Variants in PEPD observed in about 807,000 individuals in gnomAD.
PEPD encodes the protein peptidase D, also known as xaa-Pro dipeptidase.
In PEPD, 53 loss-of-function variants were observed where a neutral mutation model predicts 60.7. The observed-to-expected ratio is 0.87, with a 90% CI of 0.70 to 1.10. The LOEUF (loss-of-function observed/expected upper bound fraction) is 1.10, where lower values mean the gene tolerates loss of function less well. PEPD is among the 50% of genes least tolerant of loss of function. The pLI is 0.00. For synonymous variants in PEPD, 267 were observed against 284.1 expected (o/e 0.94, Z 0.60); for missense variants, 711 against 711.9 (o/e 1.00, Z 0.01).
At chr19:33,414,740 G>T (rs1275562041) in intron 9 of PEPD, among the ~76,000 whole-genome samples, 1 of 152,244 alleles carries the variant, frequency 6.6e-6, no homozygotes, top group Admixed American at 6.5e-5. Context: ...ATGTATAATT[G>T]TCATGATTGG....
intron 9 of PEPD, among the ~76,000 whole-genome samples, chr19:33,433,028 T>C (rs1221806242): frequency 1.3e-5 from 2 of 152,232 alleles, no homozygotes; most frequent in Non-Finnish European, 2.9e-5. Flanking sequence ...GTGAAAACAC[T>C]TTAAGGGAAT....
chr19:33,515,354 C>T (rs140951401), intron 1 of PEPD, among the ~76,000 whole-genome samples: 97 of 152,258 alleles, frequency 6.4e-4, no homozygotes, highest in Middle Eastern at 3.4e-3. Flanking sequence ...CCTACCCTCC[C>T]AGGAGGGTGA....
intron 6 of PEPD, among the ~76,000 whole-genome samples, chr19:33,488,936 T>C (rs1188975033): frequency 6.6e-6 from 1 of 152,128 alleles, no homozygotes; most frequent in African/African-American, 2.4e-5. Flanking sequence ...GGCTGGGAGC[T>C]GCCCACTGTC....
intron 11 of PEPD, among the ~76,000 whole-genome samples, chr19:33,404,502 G>A (rs1021595642): frequency 1.3e-5 from 2 of 152,098 alleles, no homozygotes; most frequent in African/African-American, 2.4e-5. Context: ...AGAATACCCC[G>A]AACAATGAAA....
At chr19:33,416,978 C>A (rs570353834) in intron 9 of PEPD, among the ~76,000 whole-genome samples, 72 of 152,330 alleles carry the variant, frequency 4.7e-4, no homozygotes, top group Non-Finnish European at 6.6e-4. Flanking sequence ...CGTCGCTGGG[C>A]CTCCCACTGG....
intron 7 of PEPD, among the ~76,000 whole-genome samples, chr19:33,467,348 CTTTT>C (rs148366991): frequency 1.4e-5 from 2 of 147,912 alleles, no homozygotes; most frequent in Admixed American, 6.7e-5. Context: ...AGTTTTATGG[CTTTT>C]TTTTTTAACC....
chr19:33,493,153 G>A, intron 5 of PEPD, 137 bp downstream of exon 5: 1 of 708,752 alleles, frequency 1.4e-6, no homozygotes, highest in Admixed American at 2.2e-5. Context: ...TTGGATAACA[G>A]GCGTGAGCCC....
chr19:33,490,393 A>G (rs187944054), intron 5 of PEPD, among the ~76,000 whole-genome samples: 1 of 152,320 alleles, frequency 6.6e-6, no homozygotes, highest in Admixed American at 6.5e-5. Context: ...CACTCCCAAT[A>G]TAAATCTGCT....
intron 9 of PEPD, among the ~76,000 whole-genome samples, chr19:33,454,404 C>A (rs1476429963): frequency 6.6e-6 from 1 of 152,094 alleles, no homozygotes. Flanking sequence ...GAGTTTGAGA[C>A]CAGCCTGGCC....
intron 4 of PEPD, among the ~76,000 whole-genome samples, chr19:33,496,699 A>G (rs945425728): frequency 6.6e-6 from 1 of 152,078 alleles, no homozygotes; most frequent in African/African-American, 2.4e-5. Context: ...CTGTTAAATG[A>G]CCCTGCCTTG....
intron 6 of PEPD, among the ~76,000 whole-genome samples, chr19:33,489,599 A>G (rs1229707186): frequency 6.6e-6 from 1 of 151,800 alleles, no homozygotes; most frequent in African/African-American, 2.4e-5. Flanking sequence ...ATTGCACTCC[A>G]GCCTGGGTGA....
chr19:33,485,265 AG>A (rs200505779), intron 6 of PEPD, among the ~76,000 whole-genome samples: 11,421 of 152,174 alleles, frequency 0.075, 598 homozygotes, highest in Non-Finnish European at 0.12. Flanking sequence ...AGGCCGAGGC[AG>A]GTGAATCACC....
At chr19:33,394,583 G>A (rs1369218972) in intron 12 of PEPD, among the ~76,000 whole-genome samples, 3 of 152,230 alleles carry the variant, frequency 2.0e-5, no homozygotes, top group Non-Finnish European at 4.4e-5. Flanking sequence ...GACACCCACC[G>A]CCTGGGCGGG....
At chr19:33,390,172 A>G (rs1447477821) in intron 13 of PEPD, among the ~76,000 whole-genome samples, 2 of 152,258 alleles carry the variant, frequency 1.3e-5, no homozygotes, top group Admixed American at 6.5e-5. Flanking sequence ...TGTCAGAAGA[A>G]TAGACTCTGA....
intron 4 of PEPD, among the ~76,000 whole-genome samples, chr19:33,499,860 C>A (rs987211803): frequency 6.6e-6 from 1 of 152,224 alleles, no homozygotes; most frequent in Non-Finnish European, 1.5e-5. Flanking sequence ...CCGGGCTGGG[C>A]CCCCACATGC....
intron 9 of PEPD, among the ~76,000 whole-genome samples, chr19:33,429,820 C>T (rs1326438501): frequency 6.6e-6 from 1 of 152,116 alleles, no homozygotes; most frequent in Non-Finnish European, 1.5e-5. Flanking sequence ...TGCAAATGGG[C>T]AAAGGACTGA....
intron 9 of PEPD, among the ~76,000 whole-genome samples, chr19:33,448,587 CT>C (rs200213515): frequency 6.6e-6 from 1 of 151,956 alleles, no homozygotes; most frequent in East Asian, 1.9e-4. Context: ...TTTCGACTAT[CT>C]TTTTTTTCTC....
intron 1 of PEPD, among the ~76,000 whole-genome samples, chr19:33,515,531 C>G (rs941047170): frequency 6.6e-6 from 1 of 152,120 alleles, no homozygotes; most frequent in Admixed American, 6.5e-5. Flanking sequence ...GTGCAGTCAC[C>G]AGCACCTTGT....
chr19:33,482,007 G>C (rs1359623809), intron 6 of PEPD, among the ~76,000 whole-genome samples: 2 of 151,896 alleles, frequency 1.3e-5, no homozygotes, highest in Non-Finnish European at 2.9e-5. Context: ...GAGATAGAGA[G>C]ACTCCATCTC....
Sources: gnomAD v4.1 joint callset for allele counts (sites outside exome capture counted in the v4.1 genomes callset) on GRCh38, gnomAD v4.1.1 for gene constraint, MANE v1.5 for transcripts, NCBI Gene and HGNC (gene_info 2026-07-23, HGNC 2026-07-21) for gene names.